MAP4K4: variants seen among roughly 807,000 people sequenced by gnomAD.
MAP4K4 encodes the protein HPK/GCK-like kinase HGK.
A neutral mutation model predicts 189.6 loss-of-function variants in MAP4K4; 38 were observed. That is an observed-to-expected ratio of 0.20 (90% confidence interval 0.15 to 0.26). The LOEUF is 0.26. MAP4K4 is among the 10% of genes least tolerant of loss of function. The probability of loss-of-function intolerance (pLI) is 1.00; values close to 1 mark genes in which losing one functional copy is unlikely to be tolerated. For missense variants in MAP4K4, 1,054 were observed against 1,726.9 expected (o/e 0.61, Z 6.91); for synonymous variants, 610 against 624.3 (o/e 0.98, Z 0.34).
In MAP4K4 at chr2:101,718,465, T is replaced by G. The variant is rs1009104206; in HGVS notation, c.123+19927T>G. Among the ~76,000 whole-genome samples the G allele has an allele frequency of 3.1e-4, 13 of 41,956 alleles. No individual in the cohort carries two copies. The African/African-American group carries it at 6.0e-3, about 19-fold the overall frequency. The allele number at this position is 41,956 out of a possible 152,430, so 27.5% of individuals were successfully genotyped here. On this transcript the variant is annotated intron_variant, in intron 2 of 32. Transcript: ENST00000324219. ...TTTAGCTCTTAACCTTTTTGCCAGA[T>G]TTGTTTCCCAGGGTTTCGACAGGTT...
At chr2:101,852,941 C>T (rs1051526964) in intron 12 of MAP4K4, among the ~76,000 whole-genome samples, 5 of 152,234 alleles carry the variant, frequency 3.3e-5, no homozygotes, top group African/African-American at 1.2e-4. Flanking sequence ...GCTCACTTCA[C>T]TCAGCTCCCA....
At chr2:101,831,406 G>GT (rs1228194805) in intron 6 of MAP4K4, among the ~76,000 whole-genome samples, 1 of 152,146 alleles carries the variant, frequency 6.6e-6, no homozygotes, top group African/African-American at 2.4e-5. Context: ...GTTTGTGGCA[G>GT]TTCTCTGAAA....
intron 2 of MAP4K4, among the ~76,000 whole-genome samples, chr2:101,718,087 T>C (rs1368027449): frequency 6.6e-6 from 1 of 152,002 alleles, no homozygotes; most frequent in Admixed American, 6.6e-5. Flanking sequence ...AGAAACCCCA[T>C]CTCTACTAAA....
At chr2:101,711,948 G>T (rs1016616619) in intron 2 of MAP4K4, among the ~76,000 whole-genome samples, 1 of 143,844 alleles carries the variant, frequency 7.0e-6, no homozygotes, top group Non-Finnish European at 1.5e-5. Context: ...CTAAGGACTT[G>T]ATCTCATTGG....
At chr2:101,809,142 G>T (rs928405743) in intron 3 of MAP4K4, among the ~76,000 whole-genome samples, 7 of 152,116 alleles carry the variant, frequency 4.6e-5, no homozygotes, top group Non-Finnish European at 8.8e-5. Flanking sequence ...CATACTTCAT[G>T]TAACTTTTTT....
Position 101,831,629 on chromosome 2 carries a change from T to A in MAP4K4, c.509-92T>A, listed in dbSNP as rs533703645. Reference sequence around the variant, plus strand: ...GAAGCACTGCTGTTTCAGTTTACTATGAAGACATTTCCTCCTTGTGTTTTT... The same window carrying A: ...GAAGCACTGCTGTTTCAGTTTACTAAGAAGACATTTCCTCCTTGTGTTTTT... On this transcript the variant is annotated intron_variant, in intron 6 of 32. Transcript: ENST00000324219. The A allele has an allele frequency of 1.9e-3, 2,627 of 1,358,152 alleles. 2 individuals are homozygous for A. Among genetic ancestry groups the A allele is most frequent in the Middle Eastern group, 7.1e-3 (31 of 4,360 alleles). The allele number at this position is 1,358,152 out of a possible 1,614,324, so 84.1% of individuals were successfully genotyped here.
exon 33 of MAP4K4, chr2:101,891,838 A>T (rs1246433102): frequency 3.3e-5 from 5 of 150,132 alleles, no homozygotes; most frequent in Non-Finnish European, 7.4e-5. Context: ...AGTTACTAGG[A>T]TAACTTTTTT....
chr2:101,756,592 T>C (rs1174258851), intron 2 of MAP4K4, among the ~76,000 whole-genome samples: 1 of 152,174 alleles, frequency 6.6e-6, no homozygotes, highest in Non-Finnish European at 1.5e-5. Flanking sequence ...CTTCACTTTG[T>C]TGCTTATGCT....
chr2:101,819,751 A>G (rs570992259), intron 3 of MAP4K4, among the ~76,000 whole-genome samples: 4 of 152,164 alleles, frequency 2.6e-5, no homozygotes, highest in African/African-American at 9.7e-5. Flanking sequence ...TAGAAAAGCT[A>G]TTGCCAGACT....
intron 18 of MAP4K4, among the ~76,000 whole-genome samples, chr2:101,865,571 AC>A (rs1464721292): frequency 1.3e-5 from 2 of 152,216 alleles, no homozygotes; most frequent in African/African-American, 4.8e-5. Context: ...TACAGTGGAA[AC>A]TTCATTCCTT....
At chr2:101,894,425 G>C (rs982601497) in exon 33 of MAP4K4, 1 of 152,730 alleles carries the variant, frequency 6.5e-6, no homozygotes, top group African/African-American at 2.4e-5. Flanking sequence ...CATATTTATG[G>C]TTTATTTTAA....
chr2:101,747,038 A>ATC (rs2065965333), intron 2 of MAP4K4, among the ~76,000 whole-genome samples: 1 of 152,106 alleles, frequency 6.6e-6, no homozygotes, highest in African/African-American at 2.4e-5. Context: ...GGTAGAGTGG[A>ATC]CTATGAGAGT....
intron 3 of MAP4K4, among the ~76,000 whole-genome samples, chr2:101,809,872 A>G (rs1384557728): frequency 6.6e-6 from 1 of 152,236 alleles, no homozygotes; most frequent in Non-Finnish European, 1.5e-5. Context: ...TGGTCTAAAG[A>G]TGTAGTTCTC....
chr2:101,766,774 A>G (rs75631690), intron 2 of MAP4K4, among the ~76,000 whole-genome samples: 231 of 152,256 alleles, frequency 1.5e-3, no homozygotes, highest in Non-Finnish European at 2.7e-3. Flanking sequence ...AGGTTGAGGT[A>G]CCTTCTTTAT....
chr2:101,792,630 T>TCCTC (rs1558948750), intron 3 of MAP4K4, among the ~76,000 whole-genome samples: 18 of 114,804 alleles, frequency 1.6e-4, no homozygotes, highest in African/African-American at 7.3e-4. Flanking sequence ...TCCTCCTCCT[T>TCCTC]CTTCTTTCTT....
chr2:101,760,526 A>ATGTG (rs1553439667), intron 2 of MAP4K4, among the ~76,000 whole-genome samples: 6 of 106,244 alleles, frequency 5.6e-5, no homozygotes, highest in African/African-American at 2.9e-4. Context: ...ATATATATGT[A>ATGTG]TATATGTGTG....
chr2:101,867,931 C>G, intron 20 of MAP4K4, 98 bp from the exon 21 acceptor site: 6 of 1,162,986 alleles, frequency 5.2e-6, no homozygotes, highest in Non-Finnish European at 7.6e-6. Context: ...GATTTCTGTA[C>G]TTCTCCCTCT....
intron 20 of MAP4K4, 45 bp downstream of exon 20, chr2:101,867,354 G>T: frequency 7.1e-7 from 1 of 1,406,144 alleles, no homozygotes; most frequent in South Asian, 1.2e-5. Flanking sequence ...AGACTTGAAT[G>T]AGATCTTTCT....
At chr2:101,747,860 C>T (rs1227386814) in intron 2 of MAP4K4, among the ~76,000 whole-genome samples, 3 of 152,184 alleles carry the variant, frequency 2.0e-5, no homozygotes, top group African/African-American at 7.2e-5. Flanking sequence ...AATGGAAATA[C>T]TAAGGAGGTA....
Sources: gnomAD v4.1 joint callset for allele counts (sites outside exome capture counted in the v4.1 genomes callset) on GRCh38, gnomAD v4.1.1 for gene constraint, MANE v1.5 for transcripts, NCBI Gene and HGNC (gene_info 2026-07-23, HGNC 2026-07-21) for gene names.